The following CSMD1 variants were observed in gnomAD, a reference collection of about 807,000 sequenced individuals.
The protein encoded by CSMD1 is CUB and Sushi multiple domains 1.
Under a neutral mutation model 417.5 loss-of-function variants are expected in CSMD1, and 213 were observed. The ratio of observed to expected loss-of-function variants is 0.51; its 90% CI spans 0.46 to 0.57. CSMD1 has a LOEUF of 0.57. Ranked by LOEUF, CSMD1 falls within the 20% of genes least tolerant of loss-of-function variation. The pLI, the probability that CSMD1 is intolerant of heterozygous loss-of-function variation, is 0.00. For synonymous variants in CSMD1, 2,862 were observed against 1,736.8 expected, an observed-to-expected ratio of 1.65 and a Z score of -16.11; for missense variants, 6,923 against 4,529.7, an observed-to-expected ratio of 1.53 and a Z score of -15.17.
intron 30 of CSMD1, among the ~76,000 whole-genome samples, chr8:3,213,302 C>T (rs1474340838): frequency 6.6e-6 from 1 of 152,150 alleles, no homozygotes; most frequent in Non-Finnish European, 1.5e-5. Context: ...AGTTCTACCT[C>T]ATTCTTCTTC....
Position 4,463,704 on chromosome 8 carries a change from C to T in CSMD1, c.303-43639G>A, listed in dbSNP as rs548657755. ...TTAAATGTCCAGAATAGGCCAATCC[C>T]TAGAGACGAAAATAAATTAGTGTTT... On this transcript the variant is annotated intron_variant, in intron 2 of 69. Coordinates refer to ENST00000635120, the MANE Select transcript of CSMD1 (RefSeq NM_033225.6). Among the ~76,000 whole-genome samples the T allele has an allele frequency of 2.6e-5, 4 of 152,260 alleles. No individual in the cohort carries two copies. The East Asian group carries it at 7.7e-4, about 29-fold the overall frequency.
chr8:4,050,503 G>C (rs991173019), intron 3 of CSMD1, among the ~76,000 whole-genome samples: 1 of 151,906 alleles, frequency 6.6e-6, no homozygotes, highest in Non-Finnish European at 1.5e-5. Context: ...GGGTAAATGG[G>C]GGTATGTATC....
chr8:3,193,281 T>G (rs1292488688), intron 33 of CSMD1, among the ~76,000 whole-genome samples: 1 of 152,220 alleles, frequency 6.6e-6, no homozygotes, highest in Non-Finnish European at 1.5e-5. Flanking sequence ...CAGAGTGGTC[T>G]ATTTTCAAGG....
intron 3 of CSMD1, among the ~76,000 whole-genome samples, chr8:4,046,180 G>C (rs1178874567): frequency 1.3e-5 from 2 of 151,980 alleles, no homozygotes; most frequent in African/African-American, 4.8e-5. Context: ...ATTTATATGT[G>C]TATGTGTGCG....
intron 50 of CSMD1, among the ~76,000 whole-genome samples, chr8:3,035,218 T>C (rs1045858605): frequency 6.6e-6 from 1 of 152,196 alleles, no homozygotes; most frequent in Non-Finnish European, 1.5e-5. Flanking sequence ...CCCACCATCA[T>C]AGGCAGATAC....
intron 25 of CSMD1, among the ~76,000 whole-genome samples, chr8:3,286,515 C>G (rs908387717): frequency 1.3e-5 from 2 of 152,074 alleles, no homozygotes; most frequent in South Asian, 4.1e-4. Context: ...TAATGATCGC[C>G]ATTCTAACTG....
intron 12 of CSMD1, among the ~76,000 whole-genome samples, chr8:3,424,218 C>G (rs1563374780): frequency 6.6e-6 from 1 of 152,084 alleles, no homozygotes; most frequent in Non-Finnish European, 1.5e-5. Flanking sequence ...TCATTTGTAT[C>G]TAAGAGCATA....
At chr8:4,840,848 A>G (rs1293505705) in intron 1 of CSMD1, among the ~76,000 whole-genome samples, 1 of 152,248 alleles carries the variant, frequency 6.6e-6, no homozygotes, top group African/African-American at 2.4e-5. Flanking sequence ...CATTACCACT[A>G]TTAATAAAAA....
intron 7 of CSMD1, among the ~76,000 whole-genome samples, chr8:3,631,262 G>C (rs183740748): frequency 6.6e-6 from 1 of 152,242 alleles, no homozygotes; most frequent in African/African-American, 2.4e-5. Context: ...CGTCGACTCA[G>C]CACCCTTCCA....
At chr8:4,967,062 T>C (rs1442710816) in intron 1 of CSMD1, among the ~76,000 whole-genome samples, 5 of 152,332 alleles carry the variant, frequency 3.3e-5, no homozygotes, top group Admixed American at 3.3e-4. Context: ...GGGTGAAGGC[T>C]AATTCAATTA....
chr8:4,242,795 G>T (rs774915502), intron 3 of CSMD1, among the ~76,000 whole-genome samples: 18 of 152,162 alleles, frequency 1.2e-4, no homozygotes, highest in Non-Finnish European at 2.6e-4. Flanking sequence ...CATTTATAAA[G>T]TTGGAGGAAA....
chr8:3,589,120 C>A (rs755553126), intron 8 of CSMD1, among the ~76,000 whole-genome samples: 1 of 152,078 alleles, frequency 6.6e-6, no homozygotes, highest in Non-Finnish European at 1.5e-5. Flanking sequence ...AACCCTTGTA[C>A]ATTGTTGTTA....
At position 4,054,729 on chromosome 8, in the gene CSMD1, G is replaced by A. The variant is rs1372239325; in HGVS notation, c.416-22630C>T. ...GGTGCCCAGAGGAAAATAAACATTT[G>A]GACATTTTGTGATGTGTCATTCTCT... On this transcript the variant is annotated intron_variant, in intron 3 of 69. Coordinates refer to ENST00000635120, the MANE Select transcript of CSMD1 (RefSeq NM_033225.6). Among the ~76,000 whole-genome samples, 4 of 152,154 alleles carry A rather than the reference G, an allele frequency of 2.6e-5. No homozygotes were observed. In the East Asian group the frequency reaches 5.8e-4, roughly 22 times the overall value.
chr8:4,063,945 A>C (rs529978179), intron 3 of CSMD1, among the ~76,000 whole-genome samples: 3 of 152,310 alleles, frequency 2.0e-5, no homozygotes, highest in Non-Finnish European at 4.4e-5. Flanking sequence ...GATTTCATTA[A>C]ATCATAAAAT....
intron 5 of CSMD1, among the ~76,000 whole-genome samples, chr8:3,872,839 CAA>C (rs59622954): frequency 1.5e-5 from 2 of 131,338 alleles, no homozygotes; most frequent in African/African-American, 5.5e-5. Flanking sequence ...AAGACAGCTC[CAA>C]AAAAAAAAAA....
chr8:4,022,649 G>A lies in CSMD1; in HGVS notation c.610+9256C>T, dbSNP rs145499958. Among the ~76,000 whole-genome samples, 555 of 152,254 alleles carry A rather than the reference G, an allele frequency of 3.6e-3. 14 individuals carry two copies. Among genetic ancestry groups the A allele is most frequent in the Admixed American group, 0.031 (479 of 15,302 alleles). On this transcript the variant is annotated intron_variant, in intron 4 of 69. Coordinates refer to ENST00000635120, the MANE Select transcript of CSMD1 (RefSeq NM_033225.6). ...CCATTCTGGAACCCTCTGGGTGAGCGCTCAGGGAGAGAAATGTGGTAGATT... is the reference window on the plus strand; with the variant it reads ...CCATTCTGGAACCCTCTGGGTGAGCACTCAGGGAGAGAAATGTGGTAGATT...
chr8:4,454,563 G>C (rs1799355066), intron 2 of CSMD1, among the ~76,000 whole-genome samples: 1 of 152,164 alleles, frequency 6.6e-6, no homozygotes, highest in African/African-American at 2.4e-5. Flanking sequence ...TTTGCACAGA[G>C]TAGACCCAAT....
intron 1 of CSMD1, among the ~76,000 whole-genome samples, chr8:4,877,902 G>T (rs1803148396): frequency 6.6e-6 from 1 of 151,960 alleles, no homozygotes; most frequent in African/African-American, 2.4e-5. Flanking sequence ...TCATTGAGAA[G>T]GAAATTTCCA....
intron 3 of CSMD1, among the ~76,000 whole-genome samples, chr8:4,335,057 A>C (rs1200395321): frequency 6.6e-6 from 1 of 152,020 alleles, no homozygotes; most frequent in Non-Finnish European, 1.5e-5. Context: ...GCACACCACC[A>C]TATCTGACTA....
Sources: allele counts gnomAD v4.1 joint callset (sites outside exome capture counted in the v4.1 genomes callset), GRCh38; gene constraint gnomAD v4.1.1; transcripts MANE v1.5; gene names NCBI Gene and HGNC (gene_info 2026-07-23, HGNC 2026-07-21).